Variants in FSTL4 observed in about 807,000 individuals in gnomAD.
The protein encoded by FSTL4 is follistatin like 4.
FSTL4 carries 28 observed loss-of-function variants against 78.2 expected under a neutral mutation model. The ratio of observed to expected loss-of-function variants is 0.36; its 90% CI spans 0.27 to 0.49. The LOEUF (loss-of-function observed/expected upper bound fraction) is 0.49. FSTL4 is among the 20% of genes least tolerant of loss of function. The probability of loss-of-function intolerance (pLI) is 0.98; values close to 1 mark genes in which losing one functional copy is unlikely to be tolerated. For synonymous variants in FSTL4, 422 were observed against 440.5 expected, an observed-to-expected ratio of 0.96 and a Z score of 0.53; for missense variants, 922 against 1,084.9, an observed-to-expected ratio of 0.85 and a Z score of 2.11.
At chr5:133,807,109 T>C in the FSTL4 span, among the ~76,000 whole-genome samples, 47 of 152,340 alleles carry the variant, frequency 3.1e-4, no homozygotes, top group African/African-American at 1.1e-3. Context: ...TTCCTTTTGT[T>C]GTTAAACAGC....
the FSTL4 span, among the ~76,000 whole-genome samples, chr5:133,667,198 C>G: frequency 2.7e-5 from 4 of 150,778 alleles, no homozygotes; most frequent in African/African-American, 9.8e-5. Flanking sequence ...TGCCCTCTCT[C>G]TCATAATTCA....
At chr5:133,548,146 T>A (rs764608305) in intron 3 of FSTL4, among the ~76,000 whole-genome samples, 1 of 152,174 alleles carries the variant, frequency 6.6e-6, no homozygotes, top group African/African-American at 2.4e-5. Flanking sequence ...TACAATAAAA[T>A]GGTAGTCAAA....
At chr5:133,519,820 AC>A (rs1250787329) in intron 3 of FSTL4, among the ~76,000 whole-genome samples, 2 of 152,208 alleles carry the variant, frequency 1.3e-5, no homozygotes, top group African/African-American at 4.8e-5. Context: ...TGAGCCTTTG[AC>A]CCTGCAAGTC....
intron 6 of FSTL4, among the ~76,000 whole-genome samples, chr5:133,283,500 T>C (rs1371545258): frequency 1.3e-5 from 2 of 152,196 alleles, no homozygotes; most frequent in African/African-American, 2.4e-5. Flanking sequence ...CTTCTCTCTC[T>C]CACCTTCTTG....
the FSTL4 span, among the ~76,000 whole-genome samples, chr5:133,695,362 C>T: frequency 2.0e-5 from 3 of 152,150 alleles, no homozygotes; most frequent in African/African-American, 7.2e-5. Context: ...GCACCCTCAC[C>T]CACACTATAA....
At chr5:133,666,084 TA>T in the FSTL4 span, among the ~76,000 whole-genome samples, 4,323 of 140,848 alleles carry the variant, frequency 0.031, 61 homozygotes, top group Middle Eastern at 0.059. Flanking sequence ...CTTGCCAATT[TA>T]AAAAAAAAAA....
At chr5:133,508,051 T>A (rs915732933) in intron 3 of FSTL4, among the ~76,000 whole-genome samples, 1 of 152,128 alleles carries the variant, frequency 6.6e-6, no homozygotes, top group South Asian at 2.1e-4. Flanking sequence ...CAGCAATGAA[T>A]TTTTCTTTTA....
the FSTL4 span, among the ~76,000 whole-genome samples, chr5:133,806,812 A>G: frequency 1.3e-5 from 2 of 152,184 alleles, no homozygotes; most frequent in Admixed American, 1.3e-4. Context: ...CTGAAGCAGG[A>G]CTCGGAGCAA....
At chr5:133,443,655 G>C (rs1261289991) in intron 3 of FSTL4, among the ~76,000 whole-genome samples, 1 of 152,220 alleles carries the variant, frequency 6.6e-6, no homozygotes, top group African/African-American at 2.4e-5. Context: ...TCTCAGGCCA[G>C]CCTGTCTGTG....
chr5:133,319,487 G>A (rs1753994680), intron 4 of FSTL4, among the ~76,000 whole-genome samples: 1 of 152,198 alleles, frequency 6.6e-6, no homozygotes, highest in Non-Finnish European at 1.5e-5. Context: ...AGGAAGCAGA[G>A]GGAAGAGCAG....
intron 5 of FSTL4, among the ~76,000 whole-genome samples, chr5:133,313,324 C>T (rs1419386102): frequency 6.6e-6 from 1 of 152,204 alleles, no homozygotes; most frequent in Non-Finnish European, 1.5e-5. Context: ...CCACCTAGAC[C>T]TGAGCTTCCC....
At chr5:133,564,815 A>G (rs537289311) in intron 3 of FSTL4, among the ~76,000 whole-genome samples, 4 of 152,292 alleles carry the variant, frequency 2.6e-5, no homozygotes, top group African/African-American at 4.8e-5. Context: ...AAGGCACACA[A>G]TGCATTCACT....
chr5:133,747,129 A>C, the FSTL4 span, among the ~76,000 whole-genome samples: 2 of 152,136 alleles, frequency 1.3e-5, no homozygotes, highest in African/African-American at 2.4e-5. Context: ...CTATTGCTGT[A>C]AGGTGGACTT....
chr5:133,401,661 C>A (rs1756226203), intron 3 of FSTL4, among the ~76,000 whole-genome samples: 1 of 152,086 alleles, frequency 6.6e-6, no homozygotes, highest in African/African-American at 2.4e-5. Context: ...AGCATGGGAG[C>A]CAGGGAGCTA....
the FSTL4 span, among the ~76,000 whole-genome samples, chr5:133,819,505 C>T: frequency 6.6e-6 from 1 of 152,206 alleles, no homozygotes; most frequent in Admixed American, 6.5e-5. Context: ...TGCAACGACA[C>T]TCAGCCTGAG....
chr5:133,711,425 A>G, the FSTL4 span, among the ~76,000 whole-genome samples: 1 of 152,216 alleles, frequency 6.6e-6, no homozygotes. Flanking sequence ...AGGAGCTCTT[A>G]CCCAGGTGGC....
At chr5:133,758,189 G>A in the FSTL4 span, among the ~76,000 whole-genome samples, 1 of 152,178 alleles carries the variant, frequency 6.6e-6, no homozygotes, top group Admixed American at 6.5e-5. Context: ...ACTGAGGGAT[G>A]TGCAATTATT....
the FSTL4 span, among the ~76,000 whole-genome samples, chr5:133,675,953 G>A: frequency 9.9e-5 from 15 of 152,124 alleles, no homozygotes; most frequent in Non-Finnish European, 2.2e-4. Context: ...GGGACCAATG[G>A]GAATGCTCCA....
chr5:133,476,891 A>G (rs1289463373), intron 3 of FSTL4, among the ~76,000 whole-genome samples: 1 of 152,202 alleles, frequency 6.6e-6, no homozygotes, highest in African/African-American at 2.4e-5. Flanking sequence ...AGAAGGATCA[A>G]GCCAATCAGA....
Sources: allele counts gnomAD v4.1 joint callset (sites outside exome capture counted in the v4.1 genomes callset), GRCh38; gene constraint gnomAD v4.1.1; transcripts MANE v1.5; gene names NCBI Gene and HGNC (gene_info 2026-07-23, HGNC 2026-07-21).